PYROXD2: variants seen among roughly 807,000 people sequenced by gnomAD.
The protein encoded by PYROXD2 is pyridine nucleotide-disulfide oxidoreductase domain-containing protein 2.
PYROXD2 carries 69 observed loss-of-function variants against 71.1 expected under a neutral mutation model. The ratio of observed to expected loss-of-function variants is 0.97; its 90% CI spans 0.80 to 1.19. The LOEUF (loss-of-function observed/expected upper bound fraction) is 1.19. PYROXD2 is among the 50% of genes most tolerant of loss of function. PYROXD2 has a pLI of 0.00. For synonymous variants in PYROXD2, 287 were observed against 302.7 expected (o/e 0.95, Z 0.54); for missense variants, 745 against 748.9 (o/e 0.99, Z 0.06).
Position 98,392,973 on chromosome 10 carries a change from G to C in PYROXD2, c.896C>G (p.Thr299Ser), listed in dbSNP as rs750876004. ...AGTGAAGATGCTTGCTCCATGTGTG[G>C]TGGCTGAGCTTGCGATCGCATCAGA... ...ALSDAIASSA[T>S]THGASIFTEK... Residue 299 changes from threonine to serine, a missense_variant, in exon 9 of 16, where the codon ACC (threonine) becomes AGC (serine). Coordinates refer to ENST00000370575, the MANE Select transcript of PYROXD2 (RefSeq NM_032709.3). 1 of 1,613,818 alleles carries C rather than the reference G, an allele frequency of 6.2e-7. No homozygotes were observed. The highest frequency in any genetic ancestry group is 1.3e-5 in the African/African-American group (1 of 74,888).
chr10:98,383,985 CG>C, intron 15 of PYROXD2, 117 bp from the exon 16 acceptor site: 1 of 866,528 alleles, frequency 1.2e-6, no homozygotes, highest in Non-Finnish European at 1.9e-6. Context: ...TAGAGGGGTC[CG>C]GGGGCATGGG....
intron 8 of PYROXD2, among the ~76,000 whole-genome samples, chr10:98,394,250 A>T (rs1247410816): frequency 6.6e-6 from 1 of 152,198 alleles, no homozygotes; most frequent in Non-Finnish European, 1.5e-5. Flanking sequence ...CAAACGGAGC[A>T]CTGGTTAAGC....
chr10:98,394,794 G>A (rs11189588), intron 8 of PYROXD2, among the ~76,000 whole-genome samples: 54,017 of 151,504 alleles, frequency 0.36, 9,869 homozygotes, highest in South Asian at 0.44. Flanking sequence ...GGGCGTTTGC[G>A]GGAGTGGAGA....
Position 98,388,486 on chromosome 10 carries a change from G to A in PYROXD2, c.1315C>T (p.Pro439Ser), listed in dbSNP as rs1323181706. 1.2e-6 allele frequency: 2 copies of A among 1,609,914 alleles called. No individual in the cohort carries two copies. Among genetic ancestry groups the A allele is most frequent in the Admixed American group, 3.4e-5 (2 of 59,462 alleles). The change falls in exon 13 of 16, where the codon CCT (proline) becomes TCT (serine). Residue 439 changes from proline to serine, a missense_variant. By Grantham distance (74) the Pro-to-Ser change is moderately conservative (BLOSUM62 -1). Coordinates refer to ENST00000370575, the MANE Select transcript of PYROXD2 (RefSeq NM_032709.3). ...SHRPVIELCI[P>S]SSLDPTLAPP... is the part of the protein sequence containing the mutation. Reference sequence around the variant, plus strand: ...GCCAGGGTGGGGTCCAGCGAGGAAGGGATGCAGAGCTCAATCACAGGCCTG... The same window carrying A: ...GCCAGGGTGGGGTCCAGCGAGGAAGAGATGCAGAGCTCAATCACAGGCCTG...
chr10:98,385,308 C>A (rs548256567), intron 14 of PYROXD2, among the ~76,000 whole-genome samples: 1 of 152,314 alleles, frequency 6.6e-6, no homozygotes, highest in Middle Eastern at 3.4e-3. Context: ...ACGAACTGAA[C>A]GGGAAGGAAA....
rs115201563 is a variant in PYROXD2 at position 98,411,017 on chromosome 10, C to G, written c.128-59G>C. 1,538 of 1,551,992 alleles carry G rather than the reference C, an allele frequency of 9.9e-4. 18 individuals are homozygous for G. The African/African-American group carries it at 0.019, about 19-fold the overall frequency. Reference sequence around the variant, plus strand: ...ACTGGTCAGCGGGCGGGCAGACAGACAGTCCTTGAGGAATGTGCTCCCCGC... The same window carrying G: ...ACTGGTCAGCGGGCGGGCAGACAGAGAGTCCTTGAGGAATGTGCTCCCCGC... On this transcript the variant is annotated intron_variant, in intron 1 of 15. Coordinates refer to ENST00000370575, the MANE Select transcript of PYROXD2 (RefSeq NM_032709.3).
At chr10:98,388,265 A>G (rs1392239311) in intron 13 of PYROXD2, 89 bp downstream of exon 13, 16 of 1,360,940 alleles carry the variant, frequency 1.2e-5, no homozygotes, top group Admixed American at 1.0e-4. Context: ...GCAGTTGTCA[A>G]TCCTGAATGG....
intron 8 of PYROXD2, 92 bp from the exon 9 acceptor site, chr10:98,393,175 A>G: frequency 9.8e-7 from 1 of 1,025,382 alleles, no homozygotes; most frequent in Non-Finnish European, 1.4e-6. Flanking sequence ...CTTGATCTTC[A>G]GCCCTTCCCT....
At chr10:98,387,647 T>G (rs1842800894) in intron 13 of PYROXD2, among the ~76,000 whole-genome samples, 1 of 102,014 alleles carries the variant, frequency 9.8e-6, no homozygotes, top group African/African-American at 4.2e-5. Context: ...TTTTTTTTTT[T>G]TTTGAGACGG....
At position 98,383,799 on chromosome 10, in the gene PYROXD2, C is replaced by G. The variant is rs749951758; in HGVS notation, c.1745G>C (p.Ter582SerextTer2). ...TCCTGGGTCAGAGCTGGTTCAGGGT[C>G]ACATGCTCTTGAGGTCCCTAAAGGC... The part of the protein sequence containing the change: ...HVAFRDLKSM[*>S] Residue 582 changes from the stop codon to serine, a stop_lost, in exon 16 of 16, where the codon TGA becomes TCA. Transcript: ENST00000370575. The G allele has an allele frequency of 6.2e-7, 1 of 1,613,668 alleles. No homozygotes were observed. The highest frequency in any genetic ancestry group is 8.5e-7 in the Non-Finnish European group (1 of 1,179,600).
intron 4 of PYROXD2, among the ~76,000 whole-genome samples, chr10:98,400,620 CATGCCATATCACACCACACT>C (rs910030482): frequency 2.0e-5 from 3 of 151,952 alleles, no homozygotes; most frequent in African/African-American, 4.8e-5. Context: ...GATACCATAC[CATGCCATATCACACCACACT>C]ATGCCATGCC....
At chr10:98,401,104 T>C (rs929336681) in intron 4 of PYROXD2, among the ~76,000 whole-genome samples, 1 of 151,810 alleles carries the variant, frequency 6.6e-6, no homozygotes, top group Non-Finnish European at 1.5e-5. Flanking sequence ...AATACAAAAA[T>C]TAGCCGGGCA....
In PYROXD2 at chr10:98,407,956, G is replaced by A. The variant is rs752595729; in HGVS notation, c.189C>T (p.Phe63=). 10 of 1,610,610 alleles carry A rather than the reference G, an allele frequency of 6.2e-6. No homozygotes were observed. Among genetic ancestry groups the A allele is most frequent in the Non-Finnish European group, 6.8e-6 (8 of 1,178,750 alleles). The change falls in exon 3 of 16, where the codon TTC becomes TTT. Residue 63 remains phenylalanine, a synonymous_variant. Coordinates refer to ENST00000370575, the MANE Select transcript of PYROXD2 (RefSeq NM_032709.3). ...CACCCCCGATCACATGGCGCCTCTC[G>A]AAGACGGCGGTGTTCACCCCCAGTC... ...LQRLGVNTAV[F]ERRHVIGGAA...
At chr10:98,397,579 C>G (rs1035063838) in intron 5 of PYROXD2, 81 bp from the exon 6 acceptor site, 16 of 1,448,290 alleles carry the variant, frequency 1.1e-5, no homozygotes, top group African/African-American at 1.0e-4. Context: ...GTCACCCCCC[C>G]ACAGCTTGAC....
At chr10:98,409,447 C>A (rs988443655) in intron 2 of PYROXD2, among the ~76,000 whole-genome samples, 2 of 152,212 alleles carry the variant, frequency 1.3e-5, no homozygotes, top group Non-Finnish European at 2.9e-5. Context: ...CTTTCTAACA[C>A]CTTCCTACTG....
At chr10:98,399,127 T>C (rs7476264) in intron 5 of PYROXD2, among the ~76,000 whole-genome samples, 7,525 of 151,982 alleles carry the variant, frequency 0.05, 587 homozygotes, top group African/African-American at 0.17. Context: ...GGCAACAGAG[T>C]GAGACCCTGT....
intron 8 of PYROXD2, among the ~76,000 whole-genome samples, chr10:98,394,618 A>G (rs1186469345): frequency 6.6e-6 from 1 of 151,634 alleles, no homozygotes; most frequent in Non-Finnish European, 1.5e-5. Context: ...TCATTAAGTC[A>G]GACCACACTG....
In PYROXD2 at chr10:98,388,667, C is replaced by T. The variant is rs570975274; in HGVS notation, c.1293-159G>A. ...TGGTTGTCCACCTGCACGGGCTTAG[C>T]GGCTGCTAGCGTGGTCCAGAGCACC... On this transcript the variant is annotated intron_variant, in intron 12 of 15. Transcript: ENST00000370575. Among the ~76,000 whole-genome samples, 9 of 151,700 alleles carry T rather than the reference C, an allele frequency of 5.9e-5. No individual in the cohort carries two copies. The South Asian group carries it at 8.4e-4, about 14-fold the overall frequency.
chr10:98,388,480 A>G lies in PYROXD2; in HGVS notation c.1321T>C (p.Ser441Pro), dbSNP rs41290476. The G allele has an allele frequency of 3.1e-6, 5 of 1,610,904 alleles. No homozygotes were observed. Among genetic ancestry groups the G allele is most frequent in the Non-Finnish European group, 4.2e-6 (5 of 1,179,010 alleles). The change falls in exon 13 of 16, where the codon TCG (serine) becomes CCG (proline). Residue 441 changes from serine (S) to proline (P), a missense_variant. Physicochemically the swap from Ser to Pro is moderately conservative, Grantham distance 74. Transcript: ENST00000370575. ...RPVIELCIPSSLDPTLAPPGC... is the reference protein window; with the variant it reads ...RPVIELCIPSPLDPTLAPPGC... ...GGGGGAGCCAGGGTGGGGTCCAGCG[A>G]GGAAGGGATGCAGAGCTCAATCACA... is the stretch of plus-strand genomic sequence containing the variant.
Sources: allele counts gnomAD v4.1 joint callset (sites outside exome capture counted in the v4.1 genomes callset), GRCh38; gene constraint gnomAD v4.1.1; transcripts MANE v1.5; gene names NCBI Gene and HGNC (gene_info 2026-07-23, HGNC 2026-07-21).